PRKN: variants seen among roughly 807,000 people sequenced by gnomAD.
PRKN encodes E3 ubiquitin-protein ligase parkin.
In PRKN, 56 loss-of-function variants were observed where a neutral mutation model predicts 59.5. That is an observed-to-expected ratio of 0.94 (90% CI 0.76 to 1.18). PRKN has a LOEUF of 1.18. PRKN is among the 50% of genes most tolerant of loss of function. PRKN has a pLI of 0.00. For synonymous variants in PRKN, 250 were observed against 222.1 expected (o/e 1.13, Z -1.12); for missense variants, 657 against 596.4 (o/e 1.10, Z -1.06).
At chr6:161,630,441 T>C (rs1783259338) in intron 7 of PRKN, among the ~76,000 whole-genome samples, 1 of 152,208 alleles carries the variant, frequency 6.6e-6, no homozygotes, top group Non-Finnish European at 1.5e-5. Context: ...TATACTGTCA[T>C]CATAATAGAA....
At chr6:162,682,884 A>G (rs1297405375) in intron 1 of PRKN, among the ~76,000 whole-genome samples, 1 of 152,184 alleles carries the variant, frequency 6.6e-6, no homozygotes, top group Non-Finnish European at 1.5e-5. Flanking sequence ...CAAACAGAAG[A>G]ATCCCAAAAT....
chr6:162,350,847 G>A (rs941698494), intron 2 of PRKN, among the ~76,000 whole-genome samples: 1 of 152,026 alleles, frequency 6.6e-6, no homozygotes, highest in Non-Finnish European at 1.5e-5. Flanking sequence ...AAGACTTTCT[G>A]CTTGTGAAAT....
chr6:162,508,348 A>G (rs1793697295), intron 1 of PRKN, among the ~76,000 whole-genome samples: 1 of 152,234 alleles, frequency 6.6e-6, no homozygotes, highest in Non-Finnish European at 1.5e-5. Flanking sequence ...GAGCCAAACA[A>G]TATCACTTGC....
intron 1 of PRKN, among the ~76,000 whole-genome samples, chr6:162,606,551 T>C (rs1024574174): frequency 6.6e-6 from 1 of 152,190 alleles, no homozygotes. Flanking sequence ...AGGGACTGTC[T>C]GTAGTTCAGT....
chr6:161,921,615 C>A (rs1392096078), intron 6 of PRKN, among the ~76,000 whole-genome samples: 2 of 152,116 alleles, frequency 1.3e-5, no homozygotes, highest in African/African-American at 2.4e-5. Context: ...TTTTTCAGCT[C>A]CACTATAATT....
chr6:162,325,833 G>A (rs1783243977), intron 2 of PRKN, among the ~76,000 whole-genome samples: 1 of 152,140 alleles, frequency 6.6e-6, no homozygotes, highest in Non-Finnish European at 1.5e-5. Context: ...TAGGTAAAGA[G>A]TCATATTTGA....
intron 1 of PRKN, among the ~76,000 whole-genome samples, chr6:162,517,573 C>A (rs538320530): frequency 1.1e-4 from 16 of 151,946 alleles, no homozygotes; most frequent in African/African-American, 3.6e-4. Context: ...TTTTTTAATT[C>A]CCTAAATTAA....
intron 3 of PRKN, among the ~76,000 whole-genome samples, chr6:162,252,297 A>G (rs1779467026): frequency 6.6e-6 from 1 of 152,210 alleles, no homozygotes; most frequent in African/African-American, 2.4e-5. Flanking sequence ...TCCCATGGAT[A>G]TTTGTCAGGT....
intron 2 of PRKN, among the ~76,000 whole-genome samples, chr6:162,359,079 A>AAAAAAAAAAAAAAAAATATATATATAT (rs57265104): frequency 1.2e-5 from 1 of 83,274 alleles, no homozygotes; most frequent in African/African-American, 7.3e-5. Context: ...AAAAAAAAAA[A>AAAAAAAAAAAAAAAAATATATATATAT]ATATATATAT....
At chr6:162,338,872 G>C (rs1255932385) in intron 2 of PRKN, among the ~76,000 whole-genome samples, 2 of 138,228 alleles carry the variant, frequency 1.4e-5, no homozygotes, top group Non-Finnish European at 3.1e-5. Flanking sequence ...GCCGCCCATC[G>C]TCTGAGATGT....
chr6:161,982,441 T>C (rs561553401), intron 5 of PRKN, among the ~76,000 whole-genome samples: 56 of 82,066 alleles, frequency 6.8e-4, no homozygotes, highest in Middle Eastern at 4.8e-3. Flanking sequence ...GAGCCCGCAT[T>C]GCCAAGTCAA....
rs773654456 is a variant in PRKN, at chr6:161,386,861, T to C, written c.1100A>G (p.Glu367Gly). ...GLGCGFAFCR[E>G]CKEAYHEGEC... ...CCCTTCATGGTACGCTTCTTTACAT[T>C]CCCGGCAGAAGGCAAACTGCAAAAG... Residue 367 changes from glutamate (E) to glycine (G), a missense_variant, in exon 10 of 12, where the codon GAA becomes GGA. Transcript: ENST00000366898. The surrounding 1 kb of genome is among the most constrained non-coding windows in gnomAD (Gnocchi z 4.3). 1 of 1,614,026 alleles carries C rather than the reference T, an allele frequency of 6.2e-7. No homozygotes were observed. The highest frequency in any genetic ancestry group is 8.5e-7 in the Non-Finnish European group (1 of 1,179,968).
intron 3 of PRKN, among the ~76,000 whole-genome samples, chr6:162,216,588 G>A (rs1315494818): frequency 2.0e-5 from 3 of 148,326 alleles, no homozygotes; most frequent in Non-Finnish European, 3.0e-5. Flanking sequence ...GCTTTTTCAG[G>A]AAATGACCTA....
At chr6:162,451,168 G>C (rs1165918827) in intron 1 of PRKN, among the ~76,000 whole-genome samples, 1 of 151,982 alleles carries the variant, frequency 6.6e-6, no homozygotes, top group Non-Finnish European at 1.5e-5. Flanking sequence ...AAAAATTACA[G>C]AATTCAGTGT....
intron 2 of PRKN, among the ~76,000 whole-genome samples, chr6:162,415,562 G>A (rs930838369): frequency 1.3e-5 from 2 of 152,158 alleles, no homozygotes; most frequent in African/African-American, 4.8e-5. Context: ...GCTCACACCT[G>A]TAATCCCAGC....
intron 7 of PRKN, among the ~76,000 whole-genome samples, chr6:161,748,438 C>T (rs1315611205): frequency 6.6e-6 from 1 of 151,732 alleles, no homozygotes; most frequent in African/African-American, 2.4e-5. Flanking sequence ...GAGTAGAAAG[C>T]ATGAAACTAA....
Position 161,467,324 on chromosome 6 carries a change from A to C in PRKN, c.1084-80447T>G, listed in dbSNP as rs1345562010. Among the ~76,000 whole-genome samples the C allele has an allele frequency of 6.6e-6, 1 of 152,174 alleles. No individual in the cohort carries two copies. Among genetic ancestry groups the C allele is most frequent in the Non-Finnish European group, 1.5e-5 (1 of 68,042 alleles). On this transcript the variant is annotated intron_variant, in intron 9 of 11. Coordinates refer to ENST00000366898, the MANE Select transcript of PRKN (RefSeq NM_004562.3). The surrounding 1 kb of genome is among the most constrained non-coding windows in gnomAD (Gnocchi z 4.3). ...CTGTGTGCCTGGCACTGTGCGGTGAATTTGATATAGACACATATAATACGA... is the reference window on the plus strand; with the variant it reads ...CTGTGTGCCTGGCACTGTGCGGTGACTTTGATATAGACACATATAATACGA...
intron 9 of PRKN, among the ~76,000 whole-genome samples, chr6:161,394,048 A>G (rs537477758): frequency 4.6e-5 from 7 of 152,340 alleles, no homozygotes; most frequent in Admixed American, 3.3e-4. Context: ...GAATCTATCA[A>G]GAGAGGAAGT....
intron 5 of PRKN, among the ~76,000 whole-genome samples, chr6:162,000,625 T>C (rs73028490): frequency 0.15 from 23,564 of 152,026 alleles, 1,888 homozygotes; most frequent in South Asian, 0.25. Flanking sequence ...TGACAGCTGC[T>C]TTTCAAAGAG....
Sources: gnomAD v4.1 joint callset for allele counts (sites outside exome capture counted in the v4.1 genomes callset) on GRCh38, gnomAD v4.1.1 for gene constraint, Gnocchi (gnomAD v3.1) non-coding constraint, MANE v1.5 for transcripts, NCBI Gene and HGNC (gene_info 2026-07-23, HGNC 2026-07-21) for gene names.